Variants in CNTN5 observed in about 807,000 individuals in gnomAD.
CNTN5 encodes contactin-5.
In CNTN5, 77 loss-of-function variants were observed where a neutral mutation model predicts 129.1. That is an observed-to-expected ratio of 0.60 (90% CI 0.50 to 0.72). The LOEUF (loss-of-function observed/expected upper bound fraction) is 0.72. Ranked by LOEUF, CNTN5 falls within the 30% of genes least tolerant of loss-of-function variation. The pLI, the probability that CNTN5 is intolerant of heterozygous loss-of-function variation, is 0.00. For synonymous variants in CNTN5, 509 were observed against 465.6 expected (o/e 1.09, Z -1.20); for missense variants, 1,478 against 1,328.8 (o/e 1.11, Z -1.75).
At chr11:99,348,892 G>C (rs1045913398) in intron 2 of CNTN5, among the ~76,000 whole-genome samples, 8 of 152,184 alleles carry the variant, frequency 5.3e-5, no homozygotes, top group Non-Finnish European at 1.2e-4. Flanking sequence ...ATTGATACGT[G>C]CATTCCACAA....
At chr11:99,173,478 C>T (rs547952272) in intron 1 of CNTN5, among the ~76,000 whole-genome samples, 1 of 152,208 alleles carries the variant, frequency 6.6e-6, no homozygotes, top group Non-Finnish European at 1.5e-5. Context: ...TATTATTGGT[C>T]AGATTTTATT....
chr11:99,773,279 G>T (rs540989185), intron 3 of CNTN5, among the ~76,000 whole-genome samples: 186 of 152,212 alleles, frequency 1.2e-3, no homozygotes, highest in Middle Eastern at 3.4e-3. Context: ...CTAAACACCA[G>T]TGCAAATCCC....
intron 1 of CNTN5, among the ~76,000 whole-genome samples, chr11:99,049,374 C>G (rs1313360896): frequency 2.0e-5 from 3 of 152,034 alleles, no homozygotes. Flanking sequence ...CTTTTTGAAA[C>G]AGGACTGAAA....
chr11:99,848,250 T>C (rs1372863878), intron 6 of CNTN5, among the ~76,000 whole-genome samples: 6 of 152,058 alleles, frequency 3.9e-5, no homozygotes, highest in African/African-American at 1.4e-4. Context: ...TTGGCAACTT[T>C]CCTTTACATT....
At chr11:99,924,138 A>G (rs912564565) in intron 7 of CNTN5, among the ~76,000 whole-genome samples, 4 of 152,196 alleles carry the variant, frequency 2.6e-5, no homozygotes. Flanking sequence ...TGGCTGGTAT[A>G]AGATGGTATC....
chr11:100,337,022 C>T (rs2139003588), intron 21 of CNTN5: 1 of 878,552 alleles, frequency 1.1e-6, no homozygotes. Flanking sequence ...CTGCTTTCTG[C>T]CACTTTGATT....
At chr11:99,472,454 G>A (rs896941812) in intron 2 of CNTN5, among the ~76,000 whole-genome samples, 1 of 152,014 alleles carries the variant, frequency 6.6e-6, no homozygotes, top group African/African-American at 2.4e-5. Context: ...CTGATGCTAT[G>A]TTTCTATGAT....
At chr11:99,209,021 A>G (rs1859627435) in intron 1 of CNTN5, among the ~76,000 whole-genome samples, 1 of 152,146 alleles carries the variant, frequency 6.6e-6, no homozygotes, top group South Asian at 2.1e-4. Context: ...AATGTTGCAA[A>G]TATAAAATCT....
At chr11:99,242,927 A>T (rs1861633682) in intron 1 of CNTN5, among the ~76,000 whole-genome samples, 1 of 152,076 alleles carries the variant, frequency 6.6e-6, no homozygotes, top group South Asian at 2.1e-4. Flanking sequence ...CCTATGGTGG[A>T]CAGTGCTGTG....
intron 1 of CNTN5, among the ~76,000 whole-genome samples, chr11:99,296,709 G>A (rs1169040044): frequency 6.6e-6 from 1 of 152,156 alleles, no homozygotes; most frequent in East Asian, 1.9e-4. Flanking sequence ...GTTTTTCCCA[G>A]GGAGTCCAGG....
chr11:100,347,897 A>T lies in CNTN5; in HGVS notation c.3031-2805A>T, dbSNP rs572034933. Among the ~76,000 whole-genome samples, 39 of 152,056 alleles carry T rather than the reference A, an allele frequency of 2.6e-4. No individual in the cohort carries two copies. In the East Asian group the frequency reaches 7.6e-3, roughly 30 times the overall value. On this transcript the variant is annotated intron_variant, in intron 23 of 24. Transcript: ENST00000524871. ...AGTAGTTTGGGTATAACCAGCAAAA[A>T]TTTATTCTGTCATATTTTTAGCACA...
At chr11:99,818,311 A>G (rs945867517) in intron 3 of CNTN5, among the ~76,000 whole-genome samples, 1 of 151,614 alleles carries the variant, frequency 6.6e-6, no homozygotes, top group Non-Finnish European at 1.5e-5. Flanking sequence ...TCTGGAGTAC[A>G]GTGGCATGAT....
intron 2 of CNTN5, among the ~76,000 whole-genome samples, chr11:99,337,548 C>T (rs1158462791): frequency 2.6e-5 from 4 of 152,170 alleles, no homozygotes; most frequent in African/African-American, 9.7e-5. Flanking sequence ...TTAAGAATGA[C>T]TTTAGGTGGT....
intron 3 of CNTN5, among the ~76,000 whole-genome samples, chr11:99,763,009 C>T (rs1001900017): frequency 1.3e-5 from 2 of 152,050 alleles, no homozygotes; most frequent in African/African-American, 4.8e-5. Context: ...TTTGATAGCC[C>T]AAATCTATGC....
At chr11:100,096,712 G>A (rs1369187084) in intron 13 of CNTN5, among the ~76,000 whole-genome samples, 6 of 152,000 alleles carry the variant, frequency 3.9e-5, no homozygotes, top group South Asian at 2.1e-4. Flanking sequence ...ATTCTACCAC[G>A]GAGATCAATC....
intron 8 of CNTN5, among the ~76,000 whole-genome samples, chr11:99,978,199 A>G (rs951326493): frequency 6.6e-6 from 1 of 152,228 alleles, no homozygotes; most frequent in Admixed American, 6.5e-5. Context: ...AAAGATCTAA[A>G]GAAAGAAAAC....
At chr11:99,587,279 A>C (rs1418152956) in intron 3 of CNTN5, among the ~76,000 whole-genome samples, 18 of 152,206 alleles carry the variant, frequency 1.2e-4, no homozygotes, top group Admixed American at 1.2e-3. Context: ...ATGGAAACAA[A>C]GCTCTATTTG....
At chr11:99,295,614 C>T (rs1463004919) in intron 1 of CNTN5, among the ~76,000 whole-genome samples, 1 of 152,110 alleles carries the variant, frequency 6.6e-6, no homozygotes, top group Non-Finnish European at 1.5e-5. Context: ...CGGTGGCTCA[C>T]GCCTGTAATC....
intron 3 of CNTN5, among the ~76,000 whole-genome samples, chr11:99,767,585 C>T (rs1007139383): frequency 1.3e-5 from 2 of 149,904 alleles, no homozygotes; most frequent in Non-Finnish European, 3.0e-5. Context: ...GGAAAAGCTT[C>T]TTATTTTCCC....
Sources: allele counts gnomAD v4.1 joint callset (sites outside exome capture counted in the v4.1 genomes callset), GRCh38; gene constraint gnomAD v4.1.1; transcripts MANE v1.5; gene names NCBI Gene and HGNC (gene_info 2026-07-23, HGNC 2026-07-21).